Variants in NRG1 observed in about 807,000 individuals in gnomAD.
NRG1 encodes neuregulin 1.
In NRG1, 18 loss-of-function variants were observed where a neutral mutation model predicts 63.8. The observed-to-expected ratio is 0.28, with a 90% CI of 0.19 to 0.42. The LOEUF (loss-of-function observed/expected upper bound fraction) is 0.42. NRG1 is among the 10% of genes least tolerant of loss of function. The probability of loss-of-function intolerance (pLI) is 1.00; values close to 1 mark genes in which losing one functional copy is unlikely to be tolerated. For synonymous variants in NRG1, 302 were observed against 301.3 expected (o/e 1.00, Z -0.02); for missense variants, 762 against 814.7 (o/e 0.94, Z 0.79).
At chr8:32,204,186 A>T (rs1411708596) in intron 1 of NRG1, among the ~76,000 whole-genome samples, 1 of 152,212 alleles carries the variant, frequency 6.6e-6, no homozygotes, top group East Asian at 1.9e-4. Flanking sequence ...TGAGGTCAGA[A>T]AGATGAGGAA....
At chr8:32,509,349 C>T (rs375384834) in intron 1 of NRG1, among the ~76,000 whole-genome samples, 51 of 152,266 alleles carry the variant, frequency 3.3e-4, no homozygotes, top group African/African-American at 1.2e-3. Context: ...CCACCTGGGC[C>T]TCCCAAAGTG....
intron 1 of NRG1, among the ~76,000 whole-genome samples, chr8:32,066,653 G>C (rs570226719): frequency 6.6e-6 from 1 of 152,018 alleles, no homozygotes; most frequent in Non-Finnish European, 1.5e-5. Context: ...CTGGCTTAGT[G>C]TTGACTTGGC....
In NRG1 at chr8:31,959,794, ATTATTTATTTATTTAT is replaced by A. The variant is rs202231999; in HGVS notation, c.37+320393_37+320408del. On this transcript the variant is annotated intron_variant, in intron 1 of 10. Coordinates refer to the NRG1 transcript ENST00000519301. ...GCAACCACCGATTATTTATTTATTT[ATTATTTATTTATTTAT>A]TTATTTATTTATTTATTTATTTATT... Among the ~76,000 whole-genome samples the A allele has an allele frequency of 6.7e-4, 82 of 122,288 alleles. 1 individual carries two copies. The South Asian group carries it at 0.02, about 29-fold the overall frequency. The allele number at this position is 122,288 out of a possible 152,430, so 80.2% of individuals were successfully genotyped here.
chr8:31,838,761 A>G (rs1825915432), intron 1 of NRG1, among the ~76,000 whole-genome samples: 1 of 152,192 alleles, frequency 6.6e-6, no homozygotes, highest in South Asian at 2.1e-4. Flanking sequence ...GGCCTCTTCT[A>G]AATTTTTTCA....
At chr8:32,031,458 A>G (rs953804731) in intron 1 of NRG1, among the ~76,000 whole-genome samples, 11 of 152,024 alleles carry the variant, frequency 7.2e-5, no homozygotes, top group South Asian at 2.1e-4. Flanking sequence ...CCGCACGGGC[A>G]GCTGCCCCTC....
chr8:32,416,326 C>T (rs1243360106), intron 1 of NRG1, among the ~76,000 whole-genome samples: 1 of 132,126 alleles, frequency 7.6e-6, no homozygotes, highest in Non-Finnish European at 1.6e-5. Context: ...TCCCTTCCTT[C>T]CTTAATTCCT....
intron 1 of NRG1, among the ~76,000 whole-genome samples, chr8:31,918,717 A>G (rs886793580): frequency 6.6e-6 from 1 of 152,226 alleles, no homozygotes; most frequent in Admixed American, 6.5e-5. Context: ...TTGGCCTCAT[A>G]AAATGAGTTA....
chr8:32,220,277 C>G (rs1368741325), intron 1 of NRG1, among the ~76,000 whole-genome samples: 1 of 152,172 alleles, frequency 6.6e-6, no homozygotes, highest in Non-Finnish European at 1.5e-5. Context: ...CTTAGAGGCT[C>G]TTGCTCAGGA....
Position 31,916,139 on chromosome 8 carries a change from T to A in NRG1, c.37+276708T>A, listed in dbSNP as rs545299186. Among the ~76,000 whole-genome samples, 7 of 152,294 alleles carry A rather than the reference T, an allele frequency of 4.6e-5. No individual in the cohort carries two copies. The South Asian group carries it at 8.3e-4, about 18-fold the overall frequency. ...ATTATACTAGAACAGTTTGGCTACA[T>A]TATCTAAAAGTATGTTCCCATGGAA... On this transcript the variant is annotated intron_variant, in intron 1 of 10. Coordinates refer to the NRG1 transcript ENST00000519301.
chr8:31,770,059 T>C (rs1293019718), intron 1 of NRG1, among the ~76,000 whole-genome samples: 2 of 152,072 alleles, frequency 1.3e-5, no homozygotes, highest in Non-Finnish European at 2.9e-5. Context: ...CCTAGAGTCT[T>C]AGGGATAAAT....
At chr8:32,558,449 A>G (rs1278874264) in intron 1 of NRG1, among the ~76,000 whole-genome samples, 1 of 152,122 alleles carries the variant, frequency 6.6e-6, no homozygotes, top group Non-Finnish European at 1.5e-5. Flanking sequence ...ATGAAATAGA[A>G]AAGGAAGGAC....
At chr8:31,988,221 G>A (rs1286706787) in intron 1 of NRG1, among the ~76,000 whole-genome samples, 1 of 151,950 alleles carries the variant, frequency 6.6e-6, no homozygotes, top group African/African-American at 2.4e-5. Context: ...TTGCGTACAG[G>A]GTGTGCCACA....
chr8:32,495,460 T>TTTG (rs1587970608), intron 1 of NRG1, among the ~76,000 whole-genome samples: 1 of 152,230 alleles, frequency 6.6e-6, no homozygotes, highest in South Asian at 2.1e-4. Context: ...TGGGTATGTC[T>TTTG]TTGTTGTTGT....
At chr8:32,304,491 T>G (rs1465761896) in intron 1 of NRG1, among the ~76,000 whole-genome samples, 1 of 152,140 alleles carries the variant, frequency 6.6e-6, no homozygotes, top group African/African-American at 2.4e-5. Context: ...AGAGCAGATA[T>G]AATGAAATTG....
chr8:31,683,585 T>A (rs1808564491), intron 1 of NRG1, among the ~76,000 whole-genome samples: 2 of 152,008 alleles, frequency 1.3e-5, no homozygotes, highest in Non-Finnish European at 2.9e-5. Flanking sequence ...TTCAGGGCGG[T>A]GAAACTATTT....
rs557702420 is a variant in NRG1 at position 31,848,528 on chromosome 8, C to T, written c.37+209097C>T. On this transcript the variant is annotated intron_variant, in intron 1 of 10. Coordinates refer to the NRG1 transcript ENST00000519301. ...TGGGCCATGGACCAGTATCAGTTCA[C>T]GGTCTGTTAGGAACTGGGTCACGCA... is the stretch of plus-strand genomic sequence containing the variant. Among the ~76,000 whole-genome samples the T allele has an allele frequency of 6.2e-5, 9 of 144,088 alleles. No individual in the cohort carries two copies. In the South Asian group the frequency reaches 1.5e-3, roughly 24 times the overall value. The allele number at this position is 144,088 out of a possible 152,430, so 94.5% of individuals were successfully genotyped here.
At chr8:31,886,604 A>G (rs1830732409) in intron 1 of NRG1, among the ~76,000 whole-genome samples, 2 of 152,108 alleles carry the variant, frequency 1.3e-5, no homozygotes, top group Non-Finnish European at 2.9e-5. Context: ...CCATAAATAA[A>G]TTAGTATCTT....
intron 5 of NRG1, among the ~76,000 whole-genome samples, chr8:32,699,090 T>C (rs746850016): frequency 1.3e-5 from 2 of 152,148 alleles, no homozygotes; most frequent in Non-Finnish European, 2.9e-5. Flanking sequence ...TATACTTAGG[T>C]GTCTTAAATA....
chr8:32,361,099 T>C (rs1483240146), intron 1 of NRG1, among the ~76,000 whole-genome samples: 2 of 152,160 alleles, frequency 1.3e-5, no homozygotes, highest in Non-Finnish European at 2.9e-5. Context: ...AGCTGAGGTA[T>C]AGAAACACAT....
Sources: gnomAD v4.1 joint callset for allele counts (sites outside exome capture counted in the v4.1 genomes callset) on GRCh38, gnomAD v4.1.1 for gene constraint, MANE v1.5 for transcripts, NCBI Gene and HGNC (gene_info 2026-07-23, HGNC 2026-07-21) for gene names.